Variants in AGBL4 observed in about 807,000 individuals in gnomAD.
AGBL4 encodes the protein AGBL carboxypeptidase 4, also known as cytosolic carboxypeptidase 6.
AGBL4 carries 58 observed loss-of-function variants against 66.4 expected under a neutral mutation model. The ratio of observed to expected loss-of-function variants is 0.87; its 90% CI spans 0.71 to 1.09. The LOEUF (loss-of-function observed/expected upper bound fraction) is 1.09, where lower values mean the gene tolerates loss of function less well. Among genes scored for constraint, AGBL4 ranks in the 50% least tolerant of loss-of-function variants. The pLI is 0.00. For synonymous variants in AGBL4, 234 were observed against 222.9 expected, an observed-to-expected ratio of 1.05 and a Z score of -0.44; for missense variants, 579 against 631.0, an observed-to-expected ratio of 0.92 and a Z score of 0.88.
At chr1:48,594,428 G>T (rs1480431388) in intron 9 of AGBL4, among the ~76,000 whole-genome samples, 3 of 152,234 alleles carry the variant, frequency 2.0e-5, no homozygotes, top group South Asian at 4.1e-4. Flanking sequence ...AAATCGGATT[G>T]TTGGGCTTTA....
chr1:49,123,122 G>C (rs952924824), intron 4 of AGBL4, among the ~76,000 whole-genome samples: 6 of 152,150 alleles, frequency 3.9e-5, no homozygotes, highest in African/African-American at 1.4e-4. Flanking sequence ...CAAAGCGCTA[G>C]GATTACAGGC....
intron 5 of AGBL4, among the ~76,000 whole-genome samples, chr1:48,973,040 T>C (rs1257904889): frequency 6.6e-6 from 1 of 152,062 alleles, no homozygotes; most frequent in Non-Finnish European, 1.5e-5. Context: ...CCGTAGTGTG[T>C]AGTGTGTGCA....
chr1:48,835,833 A>C (rs1247887013), intron 6 of AGBL4, among the ~76,000 whole-genome samples: 1 of 152,182 alleles, frequency 6.6e-6, no homozygotes. Context: ...TATCATGTCC[A>C]AAAACCTGTA....
At chr1:48,734,898 T>G (rs2148570235) in intron 6 of AGBL4, among the ~76,000 whole-genome samples, 1 of 152,296 alleles carries the variant, frequency 6.6e-6, no homozygotes, top group South Asian at 2.1e-4. Context: ...CTTACTTTCT[T>G]TATGAAGACA....
intron 9 of AGBL4, among the ~76,000 whole-genome samples, chr1:48,600,153 T>A (rs1014112222): frequency 6.6e-6 from 1 of 152,174 alleles, no homozygotes; most frequent in African/African-American, 2.4e-5. Context: ...TTCACTTCCA[T>A]ATCCACAAGG....
intron 2 of AGBL4, among the ~76,000 whole-genome samples, chr1:49,786,400 T>C (rs553863126): frequency 3.3e-5 from 5 of 152,278 alleles, no homozygotes; most frequent in African/African-American, 9.6e-5. Flanking sequence ...GGACAAACAC[T>C]TTTCTACCTT....
At chr1:49,950,109 T>C (rs556747261) in intron 1 of AGBL4, among the ~76,000 whole-genome samples, 28 of 142,590 alleles carry the variant, frequency 2.0e-4, no homozygotes, top group Admixed American at 6.3e-4. Context: ...TATATATACA[T>C]ATGTATATAC....
chr1:49,443,546 T>C (rs913004796), intron 3 of AGBL4, among the ~76,000 whole-genome samples: 2 of 151,964 alleles, frequency 1.3e-5, no homozygotes, highest in African/African-American at 4.8e-5. Context: ...TATAAGCTCT[T>C]GTGTTTTGTC....
At chr1:49,255,407 T>C (rs6702810) in intron 3 of AGBL4, among the ~76,000 whole-genome samples, 85,066 of 151,950 alleles carry the variant, frequency 0.56, 24,462 homozygotes, top group Middle Eastern at 0.63. Context: ...CCAAAAATCA[T>C]GGAAAAAAGC....
At chr1:49,538,370 A>G (rs1248267165) in intron 3 of AGBL4, among the ~76,000 whole-genome samples, 3 of 152,232 alleles carry the variant, frequency 2.0e-5, no homozygotes, top group African/African-American at 7.2e-5. Context: ...ATGCATACAC[A>G]TAACAGACAT....
intron 11 of AGBL4, among the ~76,000 whole-genome samples, chr1:48,574,116 T>G (rs149502261): frequency 2.6e-3 from 395 of 152,330 alleles, no homozygotes; most frequent in African/African-American, 9.2e-3. Flanking sequence ...ATATGGCTGA[T>G]TTCTTCAAAG....
intron 5 of AGBL4, among the ~76,000 whole-genome samples, chr1:48,993,829 C>G (rs1202860778): frequency 6.6e-6 from 1 of 152,138 alleles, no homozygotes; most frequent in Non-Finnish European, 1.5e-5. Flanking sequence ...CTCTCCCTCC[C>G]TGAAGCACAA....
chr1:49,513,693 A>G (rs1649485582), intron 3 of AGBL4, among the ~76,000 whole-genome samples: 2 of 152,030 alleles, frequency 1.3e-5, no homozygotes, highest in Non-Finnish European at 2.9e-5. Context: ...TTTCAACTCA[A>G]CAGTCTTCTT....
At chr1:49,802,884 A>C (rs1040274698) in intron 2 of AGBL4, among the ~76,000 whole-genome samples, 2 of 152,188 alleles carry the variant, frequency 1.3e-5, no homozygotes, top group African/African-American at 2.4e-5. Flanking sequence ...ATGTCTGCTG[A>C]TTTAATTTAT....
chr1:49,006,998 T>A lies in AGBL4; in HGVS notation c.594+38586A>T, dbSNP rs1189026816. 7.6e-5 allele frequency among the ~76,000 whole-genome samples: 8 copies of A among 104,654 alleles called. No homozygotes were observed. In the East Asian group the frequency reaches 1.6e-3, roughly 21 times the overall value. 68.7% of individuals were successfully genotyped at this position (104,654 alleles called of 152,430 possible). ...TCCTCCTCCAAAGGAACGCAGTTCC[T>A]CACCAGCAACGGAACAAAGCTGGAT... On this transcript the variant is annotated intron_variant, in intron 5 of 13. Transcript: ENST00000371839.
intron 1 of AGBL4, among the ~76,000 whole-genome samples, chr1:49,945,024 G>T (rs975453941): frequency 2.6e-5 from 4 of 151,958 alleles, no homozygotes; most frequent in African/African-American, 9.7e-5. Flanking sequence ...AAAGAAACAA[G>T]AATAAGAAAA....
intron 3 of AGBL4, among the ~76,000 whole-genome samples, chr1:49,303,662 G>C (rs1253025640): frequency 6.6e-6 from 1 of 151,348 alleles, no homozygotes; most frequent in Non-Finnish European, 1.5e-5. Flanking sequence ...TTTCAGTAGA[G>C]ACAGAGTTTC....
intron 3 of AGBL4, among the ~76,000 whole-genome samples, chr1:49,612,978 A>G (rs921522546): frequency 5.9e-5 from 9 of 152,184 alleles, no homozygotes; most frequent in Admixed American, 5.9e-4. Context: ...ACATGGAATC[A>G]ACTTAGATGC....
intron 5 of AGBL4, among the ~76,000 whole-genome samples, chr1:48,921,105 C>G (rs1027963255): frequency 2.0e-5 from 3 of 152,162 alleles, no homozygotes; most frequent in South Asian, 4.2e-4. Context: ...TCAGCAGGCC[C>G]GAGTCATCAA....
Sources: allele counts gnomAD v4.1 joint callset (sites outside exome capture counted in the v4.1 genomes callset), GRCh38; gene constraint gnomAD v4.1.1; transcripts MANE v1.5; gene names NCBI Gene and HGNC (gene_info 2026-07-23, HGNC 2026-07-21).